The following SCN7A variants were observed in gnomAD, a reference collection of about 807,000 sequenced individuals.
The protein encoded by SCN7A is sodium channel protein type 7 subunit alpha.
Under a neutral mutation model 155.2 loss-of-function variants are expected in SCN7A, and 138 were observed. The observed-to-expected ratio is 0.89, with a 90% CI of 0.77 to 1.02. SCN7A has a LOEUF of 1.02. Ranked by LOEUF, SCN7A falls within the 50% of genes least tolerant of loss-of-function variation. SCN7A has a pLI of 0.00. For synonymous variants in SCN7A, 693 were observed against 649.0 expected, an observed-to-expected ratio of 1.07 and a Z score of -1.03; for missense variants, 2,058 against 1,986.6, an observed-to-expected ratio of 1.04 and a Z score of -0.68.
intron 12 of SCN7A, among the ~76,000 whole-genome samples, chr2:166,447,221 G>A (rs893452027): frequency 6.6e-6 from 1 of 152,132 alleles, no homozygotes; most frequent in Admixed American, 6.6e-5. Context: ...ACAATGTCTA[G>A]ATATACATGC....
In SCN7A at chr2:166,478,612, CT is replaced by C. The variant is rs571257144; in HGVS notation, c.-14-903del. 1.7e-3 allele frequency among the ~76,000 whole-genome samples: 259 copies of C among 152,014 alleles called. 1 individual carries two copies. The highest frequency in any genetic ancestry group is 5.8e-3 in the African/African-American group (240 of 41,552). On this transcript the variant is annotated intron_variant, in intron 2 of 25. Coordinates refer to ENST00000643258, the MANE Select transcript of SCN7A (RefSeq NM_002976.4). ...CTGTGAGCTACTGTAAAAATAAAAA[CT>C]CAAACTAATTATCTTGAAAATTACT...
At chr2:166,464,694 C>T (rs1032924706) in intron 9 of SCN7A, among the ~76,000 whole-genome samples, 5 of 152,110 alleles carry the variant, frequency 3.3e-5, no homozygotes, top group Admixed American at 6.6e-5. Flanking sequence ...CCTCTTTGCA[C>T]GCCAGGACAA....
intron 18 of SCN7A, among the ~76,000 whole-genome samples, chr2:166,425,840 T>A (rs1701611276): frequency 1.3e-5 from 2 of 152,108 alleles, no homozygotes; most frequent in African/African-American, 4.8e-5. Context: ...TAAGTTAATA[T>A]TCAAAGGTTC....
Position 166,443,525 on chromosome 2 carries a change from G to A in SCN7A, c.1778C>T (p.Ala593Val), listed in dbSNP as rs535852147. The stretch of plus-strand genomic sequence containing the variant: ...TACCATCCTGAATAATCGAAGAAGA[G>A]CCATTCCTGCAACATTTGCTAGACA... ...ELCLANVAGMALLRLFRMLRI... is the reference protein window; with the variant it reads ...ELCLANVAGMVLLRLFRMLRI... Residue 593 changes from alanine to valine, a missense_variant, in exon 14 of 26, where the codon GCT becomes GTT. Coordinates refer to ENST00000643258, the MANE Select transcript of SCN7A (RefSeq NM_002976.4). The A allele has an allele frequency of 1.3e-6, 2 of 1,594,640 alleles. No individual in the cohort carries two copies. Among genetic ancestry groups the A allele is most frequent in the African/African-American group, 1.3e-5 (1 of 74,540 alleles).
At chr2:166,455,712 A>G (rs1391698758) in intron 11 of SCN7A, among the ~76,000 whole-genome samples, 1 of 152,186 alleles carries the variant, frequency 6.6e-6, no homozygotes, top group African/African-American at 2.4e-5. Context: ...ATTTTGAGAT[A>G]TGTTCCATCA....
In SCN7A at chr2:166,418,412, G is replaced by A. The variant is rs1452657518; in HGVS notation, c.3136-1427C>T. 4.7e-5 allele frequency among the ~76,000 whole-genome samples: 7 copies of A among 149,382 alleles called. No individual in the cohort carries two copies. In the East Asian group the frequency reaches 1.0e-3, roughly 21 times the overall value. The stretch of plus-strand genomic sequence containing the variant: ...CTCCCAAAGTGATGGGATTATAGGC[G>A]TGAATCACTGTGCCTGGCCTCTCTT... On this transcript the variant is annotated intron_variant, in intron 20 of 25. Transcript: ENST00000643258.
chr2:166,437,571 C>T (rs1057067638), intron 15 of SCN7A, among the ~76,000 whole-genome samples: 1 of 152,142 alleles, frequency 6.6e-6, no homozygotes, highest in Non-Finnish European at 1.5e-5. Flanking sequence ...GGTAGACACA[C>T]TGACAGCCTG....
At chr2:166,446,785 C>G (rs761447670) in intron 12 of SCN7A, among the ~76,000 whole-genome samples, 1 of 152,074 alleles carries the variant, frequency 6.6e-6, no homozygotes, top group Non-Finnish European at 1.5e-5. Flanking sequence ...AACCAAACAC[C>G]GCATGTCCTC....
chr2:166,414,867 T>C (rs113682398), intron 21 of SCN7A: 2,508 of 92,368 alleles, frequency 0.027, 41 homozygotes, highest in South Asian at 0.043. Flanking sequence ...ATATATAATA[T>C]ATATTATATA....
In SCN7A at chr2:166,416,855, T is replaced by C; in HGVS notation, c.3266A>G (p.Asp1089Gly). ...LFAGRFYECI[D>G]PTSGERFPSS... ...AGGAAACCTTTCTCCACTTGTTGGG[T>C]CAATGCATTCATAGAATCTGCCAGC... is the stretch of plus-strand genomic sequence containing the variant. Residue 1089 changes from aspartate (D) to glycine (G), a missense_variant, in exon 21 of 26, where the codon GAC (aspartate) becomes GGC (glycine). Transcript: ENST00000643258. The C allele has an allele frequency of 6.2e-7, 1 of 1,613,656 alleles. No homozygotes were observed. The highest frequency in any genetic ancestry group is 8.5e-7 in the Non-Finnish European group (1 of 1,179,752).
At chr2:166,439,051 G>A (rs897402610) in intron 15 of SCN7A, among the ~76,000 whole-genome samples, 1 of 67,496 alleles carries the variant, frequency 1.5e-5, no homozygotes, top group African/African-American at 8.3e-5. Context: ...ATGTGTGTGT[G>A]TGTGTATATA....
At position 166,447,227 on chromosome 2, in the gene SCN7A, C is replaced by T. The variant is rs566957841; in HGVS notation, c.1387+385G>A. On this transcript the variant is annotated intron_variant, in intron 12 of 25. Transcript: ENST00000643258. ...TTGTGACTTACAATGTCTAGATATA[C>T]ATGCTTTACAAATTAATGCCTTTTG... Among the ~76,000 whole-genome samples, 31 of 152,250 alleles carry T rather than the reference C, an allele frequency of 2.0e-4. No homozygotes were observed. The South Asian group carries it at 3.3e-3, about 16-fold the overall frequency.
At chr2:166,439,055 G>GTGTGTATA (rs375208870) in intron 15 of SCN7A, among the ~76,000 whole-genome samples, 1,752 of 113,364 alleles carry the variant, frequency 0.015, 17 homozygotes, top group Non-Finnish European at 0.019. Context: ...GTGTGTGTGT[G>GTGTGTATA]TATATATATA....
rs544622486 is a variant in SCN7A at position 166,445,558 on chromosome 2, G to A, written c.1388-558C>T. On this transcript the variant is annotated intron_variant, in intron 12 of 25. Transcript: ENST00000643258. Reference sequence around the variant, plus strand: ...AATGAAGGGAAACCCTCTCTTGGGCGACCCACTTTCTCAGCAGGAGCAAGC... The same window carrying A: ...AATGAAGGGAAACCCTCTCTTGGGCAACCCACTTTCTCAGCAGGAGCAAGC... Among the ~76,000 whole-genome samples the A allele has an allele frequency of 2.1e-3, 312 of 152,104 alleles. 1 individual carries two copies. Among genetic ancestry groups the A allele is most frequent in the African/African-American group, 7.0e-3 (292 of 41,492 alleles).
chr2:166,448,608 C>G (rs867064546), intron 11 of SCN7A, among the ~76,000 whole-genome samples: 2 of 152,048 alleles, frequency 1.3e-5, no homozygotes, highest in Admixed American at 6.6e-5. Context: ...TTATCACTTG[C>G]CAATCTTTAG....
rs373935271 is a variant in SCN7A at position 166,405,861 on chromosome 2, C to T, written c.4768G>A (p.Val1590Met). ...AFTKRVMGQD[V>M]RMEKVVSEIE... ...TCTGAAACAACTTTCTCCATCCTCA[C>T]ATCTTGACCCATAACTCTCTTTGTA... The change falls in exon 26 of 26, where the codon GTG becomes ATG. Residue 1590 changes from valine (V) to methionine (M), a missense_variant. Physicochemically the swap from Val to Met is conservative, Grantham distance 21 (BLOSUM62 1). Transcript: ENST00000643258. The T allele has an allele frequency of 2.5e-6, 4 of 1,613,158 alleles. No homozygotes were observed. Among genetic ancestry groups the T allele is most frequent in the Non-Finnish European group, 3.4e-6 (4 of 1,179,410 alleles).
chr2:166,475,109 T>C (rs1702760099), intron 3 of SCN7A, among the ~76,000 whole-genome samples: 1 of 105,772 alleles, frequency 9.5e-6, no homozygotes, highest in East Asian at 3.8e-4. Context: ...TATATGTATA[T>C]ATATATATAT....
chr2:166,462,431 A>G lies in SCN7A; in HGVS notation c.1041T>C (p.Phe347=). The change falls in exon 10 of 26, where the codon TTT becomes TTC. Residue 347 remains phenylalanine, a synonymous_variant. Transcript: ENST00000643258. The stretch of plus-strand genomic sequence containing the variant: ...CAGGGTAATCCTGAGCCATTAACCG[A>G]AATAGGGCAAATAAGGCCCAGCCAA... The part of the protein sequence containing the change: ...DSFGWALFAL[F]RLMAQDYPEV... 6.2e-7 allele frequency: 1 copy of G among 1,608,674 alleles called. No homozygotes were observed. The highest frequency in any genetic ancestry group is 2.2e-5 in the East Asian group (1 of 44,770).
chr2:166,470,731 T>C, intron 6 of SCN7A, 25 bp from the exon 7 acceptor site: 3 of 1,570,680 alleles, frequency 1.9e-6, no homozygotes, highest in South Asian at 1.2e-5. Flanking sequence ...TAGAGTTACT[T>C]AAAAGTCATA....
Sources: gnomAD v4.1 joint callset for allele counts (sites outside exome capture counted in the v4.1 genomes callset) on GRCh38, gnomAD v4.1.1 for gene constraint, MANE v1.5 for transcripts, NCBI Gene and HGNC (gene_info 2026-07-23, HGNC 2026-07-21) for gene names.